The following BRWD1 variants were observed in gnomAD, a reference collection of about 807,000 sequenced individuals.
BRWD1 encodes bromodomain and WD repeat domain containing 1.
Under a neutral mutation model 251.2 loss-of-function variants are expected in BRWD1, and 82 were observed. That is an observed-to-expected ratio of 0.33 (90% CI 0.27 to 0.39). The LOEUF (loss-of-function observed/expected upper bound fraction) is 0.39. BRWD1 is among the 10% of genes least tolerant of loss of function. The pLI is 1.00. For synonymous variants in BRWD1, 918 were observed against 902.8 expected, an observed-to-expected ratio of 1.02 and a Z score of -0.30; for missense variants, 2,233 against 2,711.6, an observed-to-expected ratio of 0.82 and a Z score of 3.92.
chr21:39,239,727 GA>G (rs1270514160), intron 21 of BRWD1, among the ~76,000 whole-genome samples: 14 of 152,174 alleles, frequency 9.2e-5, no homozygotes, highest in Admixed American at 9.2e-4. Context: ...TTGGGATTGT[GA>G]ATCTACAGAT....
At chr21:39,233,546 C>CAA (rs982280454) in intron 23 of BRWD1, among the ~76,000 whole-genome samples, 20 of 150,384 alleles carry the variant, frequency 1.3e-4, no homozygotes, top group Non-Finnish European at 3.0e-5. Flanking sequence ...CACACACACA[C>CAA]AAAAAAAAAG....
chr21:39,303,568 T>G (rs1013387823), intron 4 of BRWD1, among the ~76,000 whole-genome samples: 48 of 149,348 alleles, frequency 3.2e-4, no homozygotes, highest in Non-Finnish European at 5.9e-5. Context: ...AAAGGAATAG[T>G]TAGGCCAGGC....
chr21:39,304,957 A>ATTTTTTTTTT (rs36090972), intron 4 of BRWD1, among the ~76,000 whole-genome samples: 4 of 121,168 alleles, frequency 3.3e-5, no homozygotes, highest in African/African-American at 3.1e-5. Flanking sequence ...ATATTTGGAG[A>ATTTTTTTTTT]TTTTTTTTTT....
At position 39,234,382 on chromosome 21, in the gene BRWD1, A is replaced by T. The variant is rs190333296; in HGVS notation, c.2767-1884T>A. Among the ~76,000 whole-genome samples, 359 of 152,302 alleles carry T rather than the reference A, an allele frequency of 2.4e-3. 1 individual carries two copies. The highest frequency in any genetic ancestry group is 8.3e-3 in the African/African-American group (346 of 41,548). ...ACTGTTATCCTATATATTATTAAGA[A>T]GGCATGGAAAGCTTAAGAAACAATT... On this transcript the variant is annotated intron_variant, in intron 23 of 40. Coordinates refer to ENST00000342449, the MANE Select transcript of BRWD1 (RefSeq NM_033656.4).
In BRWD1 at chr21:39,313,434, G is replaced by C. The variant is rs1288480217; in HGVS notation, c.49+9C>G. The C allele has an allele frequency of 7.8e-6, 11 of 1,403,964 alleles. No individual in the cohort carries two copies. In the Admixed American group the frequency reaches 9.7e-5, roughly 12 times the overall value. 87.0% of individuals were successfully genotyped at this position (1,403,964 alleles called of 1,614,324 possible). On this transcript the variant is annotated intron_variant, in intron 1 of 40. Transcript: ENST00000342449. ...GCCAGGGCGGGGGTGGCACGGCCTC[G>C]CGTCTTACCCGACTCGATGAGAGGC...
chr21:39,252,354 C>T (rs1167645167), intron 19 of BRWD1, among the ~76,000 whole-genome samples: 1 of 152,108 alleles, frequency 6.6e-6, no homozygotes, highest in African/African-American at 2.4e-5. Flanking sequence ...CTTATACTGG[C>T]AAGCAACATT....
intron 4 of BRWD1, among the ~76,000 whole-genome samples, chr21:39,299,256 A>AT (rs2036041777): frequency 1.6e-5 from 2 of 124,092 alleles, no homozygotes; most frequent in African/African-American, 6.0e-5. Flanking sequence ...TCAAAAAAAA[A>AT]AAAATATATA....
Position 39,194,549 on chromosome 21 carries a change from G to A in BRWD1, c.*1710C>T. The A allele has an allele frequency of 6.9e-7, 1 of 1,445,060 alleles. No homozygotes were observed. Among genetic ancestry groups the A allele is most frequent in the South Asian group, 1.5e-5 (1 of 67,516 alleles). 89.5% of individuals were successfully genotyped at this position (1,445,060 alleles called of 1,614,324 possible). A position where few individuals can be genotyped will look rare whatever the true frequency, so the allele number is the denominator to read the frequency against. On this transcript the variant is annotated 3_prime_UTR_variant, in exon 41 of 41. Transcript: ENST00000342449. ...GCTCTCTAAGCCACAAATGAGAGGA[G>A]GTTTCCCACCTATCTCAGTTGATAA...
intron 19 of BRWD1, among the ~76,000 whole-genome samples, chr21:39,255,341 G>A (rs2034527881): frequency 6.6e-6 from 1 of 151,998 alleles, no homozygotes; most frequent in African/African-American, 2.4e-5. Context: ...GATCCCGGGA[G>A]GTGGAGGTTG....
At chr21:39,249,447 G>C (rs1047944366) in intron 20 of BRWD1, among the ~76,000 whole-genome samples, 2 of 149,668 alleles carry the variant, frequency 1.3e-5, no homozygotes, top group Non-Finnish European at 3.0e-5. Flanking sequence ...TTTCAGTTCT[G>C]AATGTTTTAA....
intron 36 of BRWD1, 83 bp from the exon 37 acceptor site, chr21:39,206,357 G>T: frequency 9.4e-7 from 1 of 1,060,732 alleles, no homozygotes; most frequent in Non-Finnish European, 1.3e-6. Flanking sequence ...GAGATCCCTT[G>T]CAATGTATTA....
intron 18 of BRWD1, among the ~76,000 whole-genome samples, chr21:39,256,112 C>T (rs369580531): frequency 2.8e-4 from 43 of 152,282 alleles, no homozygotes; most frequent in African/African-American, 9.9e-4. Flanking sequence ...AGCCACTGCA[C>T]CCAGCCTGAC....
At chr21:39,252,648 T>A (rs541922086) in intron 19 of BRWD1, among the ~76,000 whole-genome samples, 3 of 152,248 alleles carry the variant, frequency 2.0e-5, no homozygotes, top group Non-Finnish European at 4.4e-5. Context: ...AAGAGCTATG[T>A]TCTTTTTTGT....
chr21:39,196,873 C>T lies in BRWD1; in HGVS notation c.6196G>A (p.Asp2066Asn). The T allele has an allele frequency of 6.2e-7, 1 of 1,613,846 alleles. No individual in the cohort carries two copies. The part of the protein sequence containing the change: ...SKSHIPGSET[D>N]RTFSSESTLA... ...GTTGACTCTGAAGAAAATGTCCTAT[C>T]AGTCTCACTCCCTGGAATATGACTT... The change falls in exon 41 of 41, where the codon GAT (aspartate) becomes AAT (asparagine). Residue 2066 changes from aspartate to asparagine, a missense_variant. By Grantham distance (23) the Asp-to-Asn change is conservative. Transcript: ENST00000342449.
chr21:39,292,886 G>A (rs1161790547), intron 8 of BRWD1, among the ~76,000 whole-genome samples: 1 of 152,008 alleles, frequency 6.6e-6, no homozygotes, highest in Non-Finnish European at 1.5e-5. Context: ...TGAGACAACT[G>A]GAAACTTGAA....
rs962648969 is a variant in BRWD1, at chr21:39,195,191, T to C, written c.*1068A>G. The C allele has an allele frequency of 9.6e-7, 1 of 1,039,060 alleles. No homozygotes were observed. The highest frequency in any genetic ancestry group is 1.2e-6 in the Non-Finnish European group (1 of 864,312). 64.4% of individuals were successfully genotyped at this position (1,039,060 alleles called of 1,614,324 possible). On this transcript the variant is annotated 3_prime_UTR_variant, in exon 41 of 41. Coordinates refer to ENST00000342449, the MANE Select transcript of BRWD1 (RefSeq NM_033656.4). ...AGCAAAGAATGCTTAGGATTGCACA[T>C]GGAAGCAGTAAACTAAAACAAAGAG...
In BRWD1 at chr21:39,194,488, TGAG is replaced by T; in HGVS notation, c.*1768_*1770del. ...TTTACTATCTACTTAACACAAGTTC[TGAG>T]AAGAAAAGCATCATAGTTCTGAAAT... On this transcript the variant is annotated 3_prime_UTR_variant, in exon 41 of 41. Transcript: ENST00000342449. 7.1e-7 allele frequency: 1 copy of T among 1,409,106 alleles called. No individual in the cohort carries two copies. The highest frequency in any genetic ancestry group is 9.2e-7 in the Non-Finnish European group (1 of 1,086,026). The allele number at this position is 1,409,106 out of a possible 1,614,324, so 87.3% of individuals were successfully genotyped here.
At chr21:39,221,645 A>G (rs752885211) in intron 29 of BRWD1, among the ~76,000 whole-genome samples, 1 of 152,358 alleles carries the variant, frequency 6.6e-6, no homozygotes, top group South Asian at 2.1e-4. Context: ...AAGAATCTGA[A>G]TATTTCTCAG....
chr21:39,293,962 T>A lies in BRWD1; in HGVS notation c.680A>T (p.His227Leu). 1 of 1,614,218 alleles carries A rather than the reference T, an allele frequency of 6.2e-7. No individual in the cohort carries two copies. ...NGRLLSTLRGHSAEISDMAVN... is the reference protein window; with the variant it reads ...NGRLLSTLRGLSAEISDMAVN... ...TGCCATATCTGAAATTTCTGCAGAA[T>A]GACCTCTTAATGTAGATAACAAGCG... Residue 227 changes from histidine to leucine, a missense_variant, in exon 8 of 41, where the codon CAT becomes CTT. Transcript: ENST00000342449.
Sources: allele counts gnomAD v4.1 joint callset (sites outside exome capture counted in the v4.1 genomes callset), GRCh38; gene constraint gnomAD v4.1.1; transcripts MANE v1.5; gene names NCBI Gene and HGNC (gene_info 2026-07-23, HGNC 2026-07-21).